Variants in EFR3B observed in about 807,000 individuals in gnomAD.
The protein encoded by EFR3B is protein EFR3 homolog B.
EFR3B carries 64 observed loss-of-function variants against 104.7 expected under a neutral mutation model. That is an observed-to-expected ratio of 0.61 (90% CI 0.50 to 0.75). EFR3B has a LOEUF of 0.75. Among genes scored for constraint, EFR3B ranks in the 30% least tolerant of loss-of-function variants. The pLI is 0.00. For synonymous variants in EFR3B, 385 were observed against 417.9 expected (o/e 0.92, Z 0.96); for missense variants, 750 against 1,078.5 (o/e 0.70, Z 4.27).
chr2:25,086,315 A>C (rs1668950084), intron 1 of EFR3B, among the ~76,000 whole-genome samples: 1 of 152,116 alleles, frequency 6.6e-6, no homozygotes, highest in Non-Finnish European at 1.5e-5. Flanking sequence ...GTAAGAGTTT[A>C]TTTAATTTTT....
intron 3 of EFR3B, among the ~76,000 whole-genome samples, chr2:25,103,105 C>T (rs1250141649): frequency 6.6e-6 from 1 of 152,168 alleles, no homozygotes; most frequent in African/African-American, 2.4e-5. Context: ...CCTCATGGGC[C>T]ATCATGCATG....
In EFR3B at chr2:25,154,666, T is replaced by C. The variant is rs1671110298; in HGVS notation, c.*326T>C. 1 of 269,738 alleles carries C rather than the reference T, an allele frequency of 3.7e-6. No individual in the cohort carries two copies. The highest frequency in any genetic ancestry group is 2.2e-5 in the African/African-American group (1 of 45,068). 16.7% of individuals were successfully genotyped at this position (269,738 alleles called of 1,614,324 possible). A position where few individuals can be genotyped will look rare whatever the true frequency, so the allele number is the denominator to read the frequency against. Reference sequence around the variant, plus strand: ...GGGCTGAGAAGCTCCTACTTGGTGTTTTGAGTGAAGGGCATGTCCTCCCCA... The same window carrying C: ...GGGCTGAGAAGCTCCTACTTGGTGTCTTGAGTGAAGGGCATGTCCTCCCCA... On this transcript the variant is annotated 3_prime_UTR_variant, in exon 23 of 23. Transcript: ENST00000403714. This position sits in a 1 kb window ranked among gnomAD's most constrained non-coding sequence, Gnocchi z 4.1.
intron 1 of EFR3B, among the ~76,000 whole-genome samples, chr2:25,053,446 G>A (rs1667935027): frequency 6.6e-6 from 1 of 152,200 alleles, no homozygotes; most frequent in South Asian, 2.1e-4. Context: ...AGACTGCAGA[G>A]TGGGGTGTCA....
rs145540747 is a variant in EFR3B, at chr2:25,080,893, T to A, written c.8-10432T>A. ...AAAAGGCTGTAAAGCTTGACCATGT[T>A]TTCTGCTGCGGAATCCACAATATTA... On this transcript the variant is annotated intron_variant, in intron 1 of 22. Transcript: ENST00000403714. The A allele has an allele frequency of 1.1e-4, 89 of 794,964 alleles. No homozygotes were observed. The African/African-American group carries it at 1.3e-3, about 12-fold the overall frequency. The allele number at this position is 794,964 out of a possible 1,614,324, so 49.2% of individuals were successfully genotyped here. A position where few individuals can be genotyped will look rare whatever the true frequency, so the allele number is the denominator to read the frequency against.
chr2:25,085,783 G>A (rs1668935364), intron 1 of EFR3B, among the ~76,000 whole-genome samples: 1 of 151,502 alleles, frequency 6.6e-6, no homozygotes, highest in South Asian at 2.1e-4. Context: ...GGTGCTAGTG[G>A]CTGTTGACTT....
Position 25,042,391 on chromosome 2 carries a change from G to A in EFR3B, c.7+72G>A, listed in dbSNP as rs538276217. ...GCAAACTTCCCCGGCGCGGACCATT[G>A]TCCCCCTGCACGGCCCTGGCGCGGG... On this transcript the variant is annotated intron_variant, in intron 1 of 22. Coordinates refer to ENST00000403714, the MANE Select transcript of EFR3B (RefSeq NM_014971.2). The surrounding 1 kb of genome is among the most constrained non-coding windows in gnomAD (Gnocchi z 5.4). 3.0e-4 allele frequency: 366 copies of A among 1,232,798 alleles called. 8 individuals are homozygous for A. The South Asian group carries it at 0.012, about 41-fold the overall frequency. 76.4% of individuals were successfully genotyped at this position (1,232,798 alleles called of 1,614,324 possible).
At chr2:25,091,611 T>C (rs1669125205) in intron 2 of EFR3B, among the ~76,000 whole-genome samples, 1 of 152,168 alleles carries the variant, frequency 6.6e-6, no homozygotes, top group African/African-American at 2.4e-5. Flanking sequence ...ATGAGGGCAT[T>C]TGGATCTGCA....
rs1004704724 is a variant in EFR3B, at chr2:25,154,551, C to G, written c.*211C>G. On this transcript the variant is annotated 3_prime_UTR_variant, in exon 23 of 23. Coordinates refer to ENST00000403714, the MANE Select transcript of EFR3B (RefSeq NM_014971.2). This position sits in a 1 kb window ranked among gnomAD's most constrained non-coding sequence, Gnocchi z 4.1. Reference sequence around the variant, plus strand: ...CTTCCCTGAGGGAGGTCTCACCAATCAGCATCTCACCTGTGCCCTCTTTGT... The same window carrying G: ...CTTCCCTGAGGGAGGTCTCACCAATGAGCATCTCACCTGTGCCCTCTTTGT... The G allele has an allele frequency of 6.1e-5, 34 of 561,264 alleles. No homozygotes were observed. In the South Asian group the frequency reaches 7.9e-4, roughly 13 times the overall value. 34.8% of individuals were successfully genotyped at this position (561,264 alleles called of 1,614,324 possible).
At chr2:25,081,438 A>G (rs1271491727) in intron 1 of EFR3B, 8 of 1,425,014 alleles carry the variant, frequency 5.6e-6, no homozygotes, top group South Asian at 2.4e-5. Flanking sequence ...TGGCAATTGC[A>G]TAAGCTTCAT....
At chr2:25,087,763 G>A (rs951682959) in intron 1 of EFR3B, among the ~76,000 whole-genome samples, 2 of 152,158 alleles carry the variant, frequency 1.3e-5, no homozygotes, top group South Asian at 2.1e-4. Flanking sequence ...TTGAGCCACC[G>A]TGCCCAGCCA....
intron 1 of EFR3B, among the ~76,000 whole-genome samples, chr2:25,077,327 G>A (rs745650889): frequency 9.2e-5 from 14 of 151,880 alleles, no homozygotes; most frequent in East Asian, 1.9e-4. Context: ...TGCTGTTGTC[G>A]CCTATGCTGG....
chr2:25,143,307 G>C (rs1439388073), intron 17 of EFR3B, among the ~76,000 whole-genome samples: 2 of 152,074 alleles, frequency 1.3e-5, no homozygotes, highest in East Asian at 3.9e-4. Context: ...ATGGGACTGG[G>C]GGTGACTGTT....
chr2:25,058,871 G>T (rs1668101859), intron 1 of EFR3B, among the ~76,000 whole-genome samples: 1 of 151,452 alleles, frequency 6.6e-6, no homozygotes, highest in South Asian at 2.1e-4. Context: ...CAGCCACTAT[G>T]GGAAAACAGT....
intron 4 of EFR3B, among the ~76,000 whole-genome samples, chr2:25,108,681 A>G (rs1669632863): frequency 6.6e-6 from 1 of 152,208 alleles, no homozygotes; most frequent in Admixed American, 6.5e-5. Context: ...TAGAAACAAC[A>G]TAGATAAATT....
At chr2:25,072,047 G>C (rs1252638060) in intron 1 of EFR3B, among the ~76,000 whole-genome samples, 1 of 152,160 alleles carries the variant, frequency 6.6e-6, no homozygotes, top group Non-Finnish European at 1.5e-5. Flanking sequence ...GGTTTTATTG[G>C]TGCCAGCCTT....
At position 25,042,124 on chromosome 2, in the gene EFR3B, G is replaced by A; in HGVS notation, c.-189G>A. The A allele has an allele frequency of 2.4e-6, 1 of 414,276 alleles. No homozygotes were observed. Among genetic ancestry groups the A allele is most frequent in the East Asian group, 4.6e-5 (1 of 21,604 alleles). 25.7% of individuals were successfully genotyped at this position (414,276 alleles called of 1,614,324 possible). ...GAGGCGGCCGCTGCAGCCCGGCGCT[G>A]AATGGGCTGGCGGCGCCCGGCTCCG... On this transcript the variant is annotated 5_prime_UTR_variant, in exon 1 of 23. Coordinates refer to ENST00000403714, the MANE Select transcript of EFR3B (RefSeq NM_014971.2). The surrounding 1 kb of genome is among the most constrained non-coding windows in gnomAD (Gnocchi z 5.4).
chr2:25,056,318 T>G (rs1414700020), intron 1 of EFR3B, among the ~76,000 whole-genome samples: 1 of 152,222 alleles, frequency 6.6e-6, no homozygotes, highest in African/African-American at 2.4e-5. Flanking sequence ...TCTCGTGTAT[T>G]TCCTCCTTGG....
chr2:25,110,525 C>A (rs1292918369), intron 4 of EFR3B, among the ~76,000 whole-genome samples: 1 of 152,126 alleles, frequency 6.6e-6, no homozygotes, highest in African/African-American at 2.4e-5. Flanking sequence ...CTGTGCCCAT[C>A]TTCTTCCTCT....
chr2:25,125,302 C>T (rs1011422840), intron 5 of EFR3B, among the ~76,000 whole-genome samples: 10 of 152,304 alleles, frequency 6.6e-5, no homozygotes, highest in African/African-American at 2.2e-4. Flanking sequence ...GCCAACCAGG[C>T]GTTGTTTCCT....
Sources: gnomAD v4.1 joint callset for allele counts (sites outside exome capture counted in the v4.1 genomes callset) on GRCh38, gnomAD v4.1.1 for gene constraint, Gnocchi (gnomAD v3.1) non-coding constraint, MANE v1.5 for transcripts, NCBI Gene and HGNC (gene_info 2026-07-23, HGNC 2026-07-21) for gene names.